The following DOK7 variants were observed in gnomAD, a reference collection of about 807,000 sequenced individuals.
DOK7 encodes the protein protein Dok-7.
DOK7 carries 32 observed loss-of-function variants against 30.7 expected under a neutral mutation model. The ratio of observed to expected loss-of-function variants is 1.04; its 90% CI spans 0.79 to 1.40. The LOEUF is 1.40. Among genes scored for constraint, DOK7 ranks in the 40% most tolerant of loss-of-function variants. The pLI is 0.00. For synonymous variants in DOK7, 447 were observed against 324.1 expected, an observed-to-expected ratio of 1.38 and a Z score of -4.07; for missense variants, 1,007 against 699.2, an observed-to-expected ratio of 1.44 and a Z score of -4.97.
In DOK7 at chr4:3,464,052, G is replaced by T. The variant is rs557477119; in HGVS notation, c.100+501G>T. On this transcript the variant is annotated intron_variant, in intron 2 of 6. Transcript: ENST00000340083. ...AACAGTCCTCTGGGAGGAGGCAGGGGTCCCCCCCCAGTCCCCGCCCTGAGC... is the reference window on the plus strand; with the variant it reads ...AACAGTCCTCTGGGAGGAGGCAGGGTTCCCCCCCCAGTCCCCGCCCTGAGC... 3.1e-4 allele frequency among the ~76,000 whole-genome samples: 35 copies of T among 113,788 alleles called. 1 individual carries two copies. The highest frequency in any genetic ancestry group is 1.6e-3 in the African/African-American group (34 of 21,818). The allele number at this position is 113,788 out of a possible 152,430, so 74.6% of individuals were successfully genotyped here. A position where few individuals can be genotyped will look rare whatever the true frequency, so the allele number is the denominator to read the frequency against.
Position 3,493,521 on chromosome 4 carries a change from G to T in DOK7, c.*20G>T. The T allele has an allele frequency of 6.2e-7, 1 of 1,608,220 alleles. No homozygotes were observed. The highest frequency in any genetic ancestry group is 8.5e-7 in the Non-Finnish European group (1 of 1,177,904). On this transcript the variant is annotated 3_prime_UTR_variant, in exon 7 of 7. Coordinates refer to ENST00000340083, the MANE Select transcript of DOK7 (RefSeq NM_173660.5). ...CCTTGAGAGCCGCAGATCCCGCCCCGCGGCTGCAAAGGGGCTGAATTTGCC... is the reference window on the plus strand; with the variant it reads ...CCTTGAGAGCCGCAGATCCCGCCCCTCGGCTGCAAAGGGGCTGAATTTGCC...
At chr4:3,492,700 C>CCAG in intron 6 of DOK7, 59 bp from the exon 7 acceptor site, 1 of 1,600,956 alleles carries the variant, frequency 6.2e-7, no homozygotes, top group Non-Finnish European at 8.5e-7. Flanking sequence ...AGGCATCAGC[C>CCAG]ACGTCCTGCC....
intron 5 of DOK7, among the ~76,000 whole-genome samples, chr4:3,485,945 G>C: frequency 6.6e-6 from 1 of 152,148 alleles, no homozygotes; most frequent in Non-Finnish European, 1.5e-5. Context: ...GGGACAGTCA[G>C]CCACAGCTGC....
At chr4:3,497,297 T>C (rs116633044), downstream of DOK7, among the ~76,000 whole-genome samples, 2,683 of 152,036 alleles carry the variant, frequency 0.018, 41 homozygotes, top group Middle Eastern at 0.082. Flanking sequence ...GGAGGGGCTG[T>C]GTCCTCAGAC....
At chr4:3,484,078 G>A (rs901326521) in intron 4 of DOK7, among the ~76,000 whole-genome samples, 1 of 152,242 alleles carries the variant, frequency 6.6e-6, no homozygotes, top group Non-Finnish European at 1.5e-5. Context: ...AGGGGGCCAG[G>A]GGACTTGGAC....
In DOK7 at chr4:3,494,343, C is replaced by T; in HGVS notation, c.*842C>T. On this transcript the variant is annotated 3_prime_UTR_variant, in exon 7 of 7. Coordinates refer to ENST00000340083, the MANE Select transcript of DOK7 (RefSeq NM_173660.5). ...GCCCATTGTCCCCCGCCCTGGGTGG[C>T]TTCCTCTTGCACAGCCTGGAGCCTG... 1.0e-6 allele frequency: 1 copy of T among 985,798 alleles called. No individual in the cohort carries two copies. The highest frequency in any genetic ancestry group is 5.2e-4 in the Middle Eastern group (1 of 1,914). 61.1% of individuals were successfully genotyped at this position (985,798 alleles called of 1,614,324 possible).
chr4:3,476,034 C>T (rs901125625), intron 3 of DOK7, among the ~76,000 whole-genome samples: 34 of 151,980 alleles, frequency 2.2e-4, no homozygotes, highest in African/African-American at 7.3e-4. Context: ...TGGGCGGCTG[C>T]CCCCACCTGC....
intron 5 of DOK7, among the ~76,000 whole-genome samples, chr4:3,487,093 G>A (rs1423753284): frequency 6.6e-6 from 1 of 152,190 alleles, no homozygotes; most frequent in Admixed American, 6.5e-5. Flanking sequence ...AGAAGTCCCA[G>A]ACCCCACTCC....
exon 8 of DOK7, chr4:3,501,006 C>A: frequency 1.0e-6 from 1 of 965,038 alleles, no homozygotes; most frequent in Non-Finnish European, 1.5e-6. Context: ...CACGGCCAGG[C>A]CTCCTGCCTC....
At chr4:3,490,884 G>A (rs1459665196) in intron 6 of DOK7, among the ~76,000 whole-genome samples, 1 of 94,066 alleles carries the variant, frequency 1.1e-5, no homozygotes, top group African/African-American at 4.6e-5. Flanking sequence ...TTACCCTCCT[G>A]CTCATTAATT....
rs774459683 is a variant in DOK7 at position 3,493,052 on chromosome 4, G to A, written c.1066G>A (p.Ala356Thr). 8.3e-6 allele frequency: 13 copies of A among 1,573,386 alleles called. No individual in the cohort carries two copies. The highest frequency in any genetic ancestry group is 4.0e-5 in the African/African-American group (3 of 74,386). ...TTACTCCAGCAGCCTCTCGTCCTACGCGGGCAGCAGCCTGGACGTGTGGCG... is the reference window on the plus strand; with the variant it reads ...TTACTCCAGCAGCCTCTCGTCCTACACGGGCAGCAGCCTGGACGTGTGGCG... ...SSYSSSLSSY[A>T]GSSLDVWRAT... Residue 356 changes from alanine to threonine, a missense_variant, in exon 7 of 7, where the codon GCG becomes ACG. By Grantham distance (58) the Ala-to-Thr change is moderately conservative. Transcript: ENST00000340083.
chr4:3,471,572 T>C (rs1726770520), intron 2 of DOK7, among the ~76,000 whole-genome samples: 1 of 152,254 alleles, frequency 6.6e-6, no homozygotes, highest in Non-Finnish European at 1.5e-5. Flanking sequence ...CAAGCGGCCC[T>C]GGGGCCCCCG....
chr4:3,499,316 G>A (rs1218790378), downstream of DOK7, among the ~76,000 whole-genome samples: 1 of 152,138 alleles, frequency 6.6e-6, no homozygotes, highest in African/African-American at 2.4e-5. Flanking sequence ...GCTTGGCTGT[G>A]TCTCCCAGCC....
chr4:3,467,303 C>T (rs562340883), intron 2 of DOK7, among the ~76,000 whole-genome samples: 2 of 152,076 alleles, frequency 1.3e-5, no homozygotes, highest in African/African-American at 4.8e-5. Flanking sequence ...TCCCGCCCTC[C>T]CCGGCTCTCC....
chr4:3,495,956 C>G (rs1728886941), downstream of DOK7, among the ~76,000 whole-genome samples: 1 of 152,214 alleles, frequency 6.6e-6, no homozygotes, highest in Non-Finnish European at 1.5e-5. Flanking sequence ...GCCCTTGAGT[C>G]TGGCCTGCAC....
chr4:3,489,397 A>G (rs1392201380), intron 5 of DOK7, among the ~76,000 whole-genome samples: 1 of 152,032 alleles, frequency 6.6e-6, no homozygotes, highest in Non-Finnish European at 1.5e-5. Context: ...ATGAGGAAGG[A>G]GGGGTCTGGC....
chr4:3,474,020 C>T (rs532137362), intron 3 of DOK7, among the ~76,000 whole-genome samples: 2 of 151,804 alleles, frequency 1.3e-5, no homozygotes, highest in Admixed American at 6.6e-5. Flanking sequence ...CAGCTTCCCC[C>T]CAAAACAGGA....
chr4:3,467,556 T>C (rs1201017844), intron 2 of DOK7, among the ~76,000 whole-genome samples: 2 of 150,100 alleles, frequency 1.3e-5, no homozygotes, highest in Non-Finnish European at 3.0e-5. Flanking sequence ...GGAGCGTGTG[T>C]GCACGTGCGT....
rs1729143217 is a variant in DOK7, at chr4:3,500,691, G to A, written c.1262-1G>A. ...TGCCGCTCACTACAGAATTCTTTCA[G>A]GGGCTGGCGCCTCCCTCTACGCCCA... On this transcript the variant is annotated splice_acceptor_variant, in intron 7 of 7. Coordinates refer to the DOK7 transcript ENST00000643608. LOFTEE classifies it high-confidence loss of function. 1 of 1,535,714 alleles carries A rather than the reference G, an allele frequency of 6.5e-7. No individual in the cohort carries two copies. Among genetic ancestry groups the A allele is most frequent in the African/African-American group, 1.4e-5 (1 of 73,048 alleles).
Sources: gnomAD v4.1 joint callset for allele counts (sites outside exome capture counted in the v4.1 genomes callset) on GRCh38, gnomAD v4.1.1 for gene constraint, MANE v1.5 for transcripts, NCBI Gene and HGNC (gene_info 2026-07-23, HGNC 2026-07-21) for gene names.